B3GLCT: variants seen among roughly 807,000 people sequenced by gnomAD.
The protein encoded by B3GLCT is beta-1,3-glucosyltransferase.
B3GLCT carries 65 observed loss-of-function variants against 63.4 expected under a neutral mutation model. That is an observed-to-expected ratio of 1.03 (90% CI 0.84 to 1.26). The LOEUF (loss-of-function observed/expected upper bound fraction) is 1.26, where lower values mean the gene tolerates loss of function less well. B3GLCT is among the 50% of genes most tolerant of loss of function. The pLI is 0.00. For synonymous variants in B3GLCT, 233 were observed against 219.2 expected (o/e 1.06, Z -0.55); for missense variants, 577 against 604.8 (o/e 0.95, Z 0.48).
At chr13:31,269,441 A>G (rs552318585) in intron 8 of B3GLCT, among the ~76,000 whole-genome samples, 164 bp downstream of exon 8, 1 of 152,292 alleles carries the variant, frequency 6.6e-6, no homozygotes, top group South Asian at 2.1e-4. Context: ...TTTTATTTTA[A>G]GCTCATTTCA....
At chr13:31,324,454 G>A (rs1329958206) in intron 14 of B3GLCT, among the ~76,000 whole-genome samples, 1 of 152,196 alleles carries the variant, frequency 6.6e-6, no homozygotes, top group Non-Finnish European at 1.5e-5. Flanking sequence ...CCAGGGACGG[G>A]TAGTGCTTTT....
At chr13:31,288,286 A>G (rs992848750) in intron 12 of B3GLCT, among the ~76,000 whole-genome samples, 4 of 152,084 alleles carry the variant, frequency 2.6e-5, no homozygotes, top group African/African-American at 9.7e-5. Context: ...CAACACCAAC[A>G]TGGACCTCTT....
At chr13:31,293,485 C>T (rs535642713) in intron 12 of B3GLCT, among the ~76,000 whole-genome samples, 13 of 152,196 alleles carry the variant, frequency 8.5e-5, no homozygotes, top group Admixed American at 6.5e-5. Flanking sequence ...CTGGATGCTC[C>T]GGTATTGGGT....
chr13:31,286,671 T>C, intron 11 of B3GLCT, 49 bp from the exon 12 acceptor site: 1 of 1,198,282 alleles, frequency 8.3e-7, no homozygotes, highest in Non-Finnish European at 1.2e-6. Context: ...AAATTCTATA[T>C]ATTTTATAAG....
intron 12 of B3GLCT, among the ~76,000 whole-genome samples, chr13:31,292,155 G>T (rs921845887): frequency 6.6e-6 from 1 of 152,186 alleles, no homozygotes; most frequent in Admixed American, 6.5e-5. Context: ...TGCATCCCAG[G>T]TATGAAGCTG....
intron 12 of B3GLCT, among the ~76,000 whole-genome samples, chr13:31,293,332 C>G (rs878998238): frequency 6.6e-6 from 1 of 152,086 alleles, no homozygotes; most frequent in Non-Finnish European, 1.5e-5. Flanking sequence ...TGGTCCAGAG[C>G]TGAGTTCAAG....
At chr13:31,315,919 T>G (rs1442950639) in intron 12 of B3GLCT, among the ~76,000 whole-genome samples, 1 of 152,224 alleles carries the variant, frequency 6.6e-6, no homozygotes, top group Non-Finnish European at 1.5e-5. Flanking sequence ...ACAGCTTGGC[T>G]TTTGCTTCAG....
chr13:31,291,643 T>C (rs1202235371), intron 12 of B3GLCT, among the ~76,000 whole-genome samples: 1 of 152,202 alleles, frequency 6.6e-6, no homozygotes, highest in African/African-American at 2.4e-5. Context: ...ATAGGAATGC[T>C]TGTGATTTTC....
chr13:31,278,806 T>G (rs1306344506), intron 10 of B3GLCT, among the ~76,000 whole-genome samples: 1 of 152,242 alleles, frequency 6.6e-6, no homozygotes, highest in Admixed American at 6.5e-5. Flanking sequence ...TCTTACATTT[T>G]CTGGTGTGTT....
rs1039080560 is a variant in B3GLCT, at chr13:31,322,538, A to T, written c.1185-1213A>T. Among the ~76,000 whole-genome samples, 7 of 152,332 alleles carry T rather than the reference A, an allele frequency of 4.6e-5. No individual in the cohort carries two copies. In the South Asian group the frequency reaches 1.2e-3, roughly 27 times the overall value. ...TGACTGGTAGTTTTCCATTTTGGGG[A>T]GCAACCTTATTTGGAAAGAACTCAT... is the stretch of plus-strand genomic sequence containing the variant. On this transcript the variant is annotated intron_variant, in intron 13 of 14. Coordinates refer to ENST00000343307, the MANE Select transcript of B3GLCT (RefSeq NM_194318.4).
intron 10 of B3GLCT, among the ~76,000 whole-genome samples, chr13:31,277,711 T>G (rs1467726595): frequency 6.6e-6 from 1 of 152,152 alleles, no homozygotes; most frequent in Non-Finnish European, 1.5e-5. Context: ...TAAAATAATA[T>G]TATAATTTGA....
chr13:31,226,183 G>C (rs1048886993), intron 3 of B3GLCT, among the ~76,000 whole-genome samples: 2 of 152,224 alleles, frequency 1.3e-5, no homozygotes, highest in African/African-American at 4.8e-5. Context: ...CCTGTGCTCA[G>C]TTAGCTCTGG....
At chr13:31,259,401 G>A (rs149098411) in intron 6 of B3GLCT, among the ~76,000 whole-genome samples, 4 of 152,068 alleles carry the variant, frequency 2.6e-5, no homozygotes, top group East Asian at 3.9e-4. Flanking sequence ...GTTTGGGTAC[G>A]TCTATTCATA....
At chr13:31,258,314 T>C (rs1400850225) in intron 6 of B3GLCT, among the ~76,000 whole-genome samples, 1 of 152,228 alleles carries the variant, frequency 6.6e-6, no homozygotes, top group African/African-American at 2.4e-5. Flanking sequence ...TCTATCTGGT[T>C]GCTCATATTA....
intron 7 of B3GLCT, among the ~76,000 whole-genome samples, chr13:31,263,997 G>T (rs905518660): frequency 5.9e-5 from 9 of 152,126 alleles, no homozygotes; most frequent in African/African-American, 2.2e-4. Flanking sequence ...TCCAAGATAA[G>T]GCGCTGGCAG....
chr13:31,320,434 G>A (rs557026712), intron 13 of B3GLCT, among the ~76,000 whole-genome samples: 1 of 152,276 alleles, frequency 6.6e-6, no homozygotes, highest in South Asian at 2.1e-4. Flanking sequence ...GTTTGCCGCT[G>A]AAAGCTGCCA....
At chr13:31,294,581 TC>T (rs1176959103) in intron 12 of B3GLCT, among the ~76,000 whole-genome samples, 1 of 152,222 alleles carries the variant, frequency 6.6e-6, no homozygotes, top group Non-Finnish European at 1.5e-5. Context: ...TGCTATCCTT[TC>T]TTCCACTTGA....
At chr13:31,254,091 CAG>C (rs1328401695) in intron 6 of B3GLCT, among the ~76,000 whole-genome samples, 1 of 152,162 alleles carries the variant, frequency 6.6e-6, no homozygotes, top group Admixed American at 6.5e-5. Flanking sequence ...TGAATTCTAC[CAG>C]AGTTACAAAG....
chr13:31,278,904 G>A (rs1314026138), intron 10 of B3GLCT, among the ~76,000 whole-genome samples: 1 of 152,204 alleles, frequency 6.6e-6, no homozygotes, highest in East Asian at 1.9e-4. Flanking sequence ...GGAAAAAGCT[G>A]AGTATGGAAT....
Sources: allele counts gnomAD v4.1 joint callset (sites outside exome capture counted in the v4.1 genomes callset), GRCh38; gene constraint gnomAD v4.1.1; transcripts MANE v1.5; gene names NCBI Gene and HGNC (gene_info 2026-07-23, HGNC 2026-07-21).